Variants in PARD3 observed in about 807,000 individuals in gnomAD.
PARD3 encodes partitioning defective 3 homolog.
A neutral mutation model predicts 155.4 loss-of-function variants in PARD3; 75 were observed. The observed-to-expected ratio is 0.48, with a 90% CI of 0.40 to 0.58. The LOEUF (loss-of-function observed/expected upper bound fraction) is 0.58. Among genes scored for constraint, PARD3 ranks in the 20% least tolerant of loss-of-function variants. PARD3 has a pLI of 0.00. For missense variants in PARD3, 1,642 were observed against 1,721.7 expected (o/e 0.95, Z 0.82); for synonymous variants, 576 against 610.5 (o/e 0.94, Z 0.83).
intron 7 of PARD3, among the ~76,000 whole-genome samples, chr10:34,384,526 T>C (rs1214519349): frequency 6.6e-6 from 1 of 152,198 alleles, no homozygotes; most frequent in Non-Finnish European, 1.5e-5. Context: ...TGTTTACAAA[T>C]GCCCCAAACA....
At chr10:34,550,589 T>C (rs1260210076) in intron 2 of PARD3, among the ~76,000 whole-genome samples, 1 of 151,618 alleles carries the variant, frequency 6.6e-6, no homozygotes, top group Admixed American at 6.6e-5. Context: ...AACATTAGAA[T>C]GCAAAATAAA....
chr10:34,129,192 G>A (rs1236810857), intron 23 of PARD3, among the ~76,000 whole-genome samples: 14 of 151,960 alleles, frequency 9.2e-5, no homozygotes, highest in African/African-American at 2.4e-4. Context: ...TTGCTCTGTC[G>A]TCCAGGCTGG....
intron 4 of PARD3, among the ~76,000 whole-genome samples, chr10:34,464,850 A>G (rs2077903072): frequency 1.3e-5 from 2 of 152,196 alleles, no homozygotes; most frequent in Non-Finnish European, 2.9e-5. Context: ...AGAAGTCCTG[A>G]AGTTAATACA....
At chr10:34,367,326 T>A (rs1328135049) in intron 12 of PARD3, among the ~76,000 whole-genome samples, 2 of 152,240 alleles carry the variant, frequency 1.3e-5, no homozygotes, top group African/African-American at 4.8e-5. Flanking sequence ...CTCATTCATT[T>A]ATGATATAAA....
chr10:34,323,530 T>C (rs1206991036), intron 19 of PARD3, among the ~76,000 whole-genome samples: 1 of 152,170 alleles, frequency 6.6e-6, no homozygotes, highest in African/African-American at 2.4e-5. Context: ...TTCAAATAGA[T>C]GACTCCTCAG....
intron 6 of PARD3, among the ~76,000 whole-genome samples, chr10:34,400,512 T>C (rs1843767115): frequency 6.6e-6 from 1 of 152,180 alleles, no homozygotes; most frequent in Non-Finnish European, 1.5e-5. Flanking sequence ...AGTATTTACC[T>C]AACAACCAAT....
chr10:34,297,160 G>A (rs577365463), intron 20 of PARD3, among the ~76,000 whole-genome samples: 5 of 152,134 alleles, frequency 3.3e-5, no homozygotes, highest in African/African-American at 9.6e-5. Context: ...AAAATTAGCC[G>A]GGTACGGTGG....
chr10:34,289,608 A>C (rs1366493240), intron 20 of PARD3, among the ~76,000 whole-genome samples: 1 of 152,194 alleles, frequency 6.6e-6, no homozygotes, highest in African/African-American at 2.4e-5. Flanking sequence ...ATTAGGAGTG[A>C]AGGTACACTT....
intron 2 of PARD3, among the ~76,000 whole-genome samples, chr10:34,661,950 G>A (rs2093335820): frequency 6.6e-6 from 1 of 152,162 alleles, no homozygotes; most frequent in Non-Finnish European, 1.5e-5. Context: ...AGCCCCACTG[G>A]AAAGAAGGTC....
intron 22 of PARD3, among the ~76,000 whole-genome samples, chr10:34,196,568 CTTTTTTTTTTTTT>C (rs71523319): frequency 1.0e-5 from 1 of 97,422 alleles, no homozygotes; most frequent in Admixed American, 1.2e-4. Flanking sequence ...GTACCCTTTT[CTTTTTTTTTTTTT>C]TTTTTTTTTT....
intron 2 of PARD3, among the ~76,000 whole-genome samples, chr10:34,573,839 T>A (rs1006954660): frequency 1.3e-5 from 2 of 151,650 alleles, no homozygotes; most frequent in Admixed American, 1.3e-4. Flanking sequence ...ACACTCTTCA[T>A]ACAATGCCAC....
Position 34,399,408 on chromosome 10 carries a change from A to T in PARD3, c.812T>A (p.Met271Lys). The change falls in exon 7 of 25, where the codon ATG (methionine) becomes AAG (lysine). Residue 271 changes from methionine to lysine, a missense_variant. Met to Lys is a moderately conservative substitution (Grantham distance 95). Coordinates refer to ENST00000374788, the MANE Select transcript of PARD3 (RefSeq NM_001184785.2). ...GTTGGGGACTTCTACGAGCTTTACC[A>T]TATCACTGTGAGACAATGATGAATG... is the stretch of plus-strand genomic sequence containing the variant. Reference protein sequence around the residue: ...EHIPNFSLDDMVKLVEVPNDG... With the variant: ...EHIPNFSLDDKVKLVEVPNDG... The T allele has an allele frequency of 6.2e-7, 1 of 1,605,172 alleles. No homozygotes were observed. The highest frequency in any genetic ancestry group is 8.5e-7 in the Non-Finnish European group (1 of 1,171,956).
chr10:34,467,255 G>A (rs2078066203), intron 4 of PARD3, among the ~76,000 whole-genome samples: 1 of 151,582 alleles, frequency 6.6e-6, no homozygotes, highest in Non-Finnish European at 1.5e-5. Context: ...TCACACCAGG[G>A]AAAATCCCTA....
chr10:34,479,335 G>A (rs2078918889), intron 3 of PARD3, among the ~76,000 whole-genome samples: 1 of 151,684 alleles, frequency 6.6e-6, no homozygotes, highest in South Asian at 2.1e-4. Context: ...CTAATTTTTT[G>A]TATTTTTAGT....
At chr10:34,288,862 TAC>T (rs1293917482) in intron 20 of PARD3, among the ~76,000 whole-genome samples, 1 of 152,216 alleles carries the variant, frequency 6.6e-6, no homozygotes, top group African/African-American at 2.4e-5. Context: ...GAGAAAACTT[TAC>T]TACCCAGCAG....
chr10:34,638,882 A>G (rs116966462), intron 2 of PARD3, among the ~76,000 whole-genome samples: 199 of 152,304 alleles, frequency 1.3e-3, no homozygotes, highest in Middle Eastern at 6.8e-3. Flanking sequence ...CTATATACGT[A>G]TGATTTATAG....
At chr10:34,312,268 A>C in intron 20 of PARD3, 1 of 1,604,110 alleles carries the variant, frequency 6.2e-7, no homozygotes, top group Non-Finnish European at 8.5e-7. Flanking sequence ...AGAATTCATT[A>C]AAAGTAAATT....
intron 5 of PARD3, among the ~76,000 whole-genome samples, chr10:34,404,862 T>C (rs1401683266): frequency 2.0e-5 from 3 of 152,038 alleles, no homozygotes; most frequent in Admixed American, 6.6e-5. Context: ...AGGCAGAGAA[T>C]GGCTTAACAC....
At chr10:34,609,832 T>C (rs1237403015) in intron 2 of PARD3, among the ~76,000 whole-genome samples, 1 of 152,168 alleles carries the variant, frequency 6.6e-6, no homozygotes, top group Non-Finnish European at 1.5e-5. Context: ...TTCACTCTCT[T>C]GATCGTGTTT....
Sources: allele counts gnomAD v4.1 joint callset (sites outside exome capture counted in the v4.1 genomes callset), GRCh38; gene constraint gnomAD v4.1.1; transcripts MANE v1.5; gene names NCBI Gene and HGNC (gene_info 2026-07-23, HGNC 2026-07-21).